Variants in PRKCB observed in about 807,000 individuals in gnomAD.
PRKCB encodes protein kinase C beta, also known as protein kinase C beta type.
PRKCB carries 13 observed loss-of-function variants against 81.5 expected under a neutral mutation model. The ratio of observed to expected loss-of-function variants is 0.16; its 90% CI spans 0.10 to 0.25. The LOEUF (loss-of-function observed/expected upper bound fraction) is 0.25. Ranked by LOEUF, PRKCB falls within the 10% of genes least tolerant of loss-of-function variation. The pLI is 1.00. For missense variants in PRKCB, 509 were observed against 875.7 expected (o/e 0.58, Z 5.29); for synonymous variants, 335 against 321.4 (o/e 1.04, Z -0.45).
chr16:24,192,252 T>C (rs1967804654), intron 16 of PRKCB, among the ~76,000 whole-genome samples: 1 of 152,246 alleles, frequency 6.6e-6, no homozygotes, highest in Admixed American at 6.5e-5. Context: ...ACAAGCCTGG[T>C]ACAGAGGAGG....
chr16:23,928,510 G>A (rs1368004510), intron 2 of PRKCB, among the ~76,000 whole-genome samples: 2 of 152,082 alleles, frequency 1.3e-5, no homozygotes, highest in African/African-American at 4.8e-5. Context: ...TGGAACTCAG[G>A]CCTTGTATAA....
At chr16:24,126,025 T>C (rs1596559545) in intron 9 of PRKCB, among the ~76,000 whole-genome samples, 1 of 152,312 alleles carries the variant, frequency 6.6e-6, no homozygotes, top group East Asian at 1.9e-4. Flanking sequence ...ATTAGTAGAA[T>C]CAGTGAACTA....
intron 9 of PRKCB, among the ~76,000 whole-genome samples, chr16:24,137,799 G>A (rs1966870058): frequency 6.6e-6 from 1 of 152,174 alleles, no homozygotes; most frequent in Middle Eastern, 3.2e-3. Flanking sequence ...TTTGTGGATT[G>A]TAATCATCCA....
At chr16:24,168,541 C>CT (rs56671761) in intron 10 of PRKCB, among the ~76,000 whole-genome samples, 2,978 of 75,970 alleles carry the variant, frequency 0.039, 839 homozygotes, top group Non-Finnish European at 0.063. Context: ...TCTTCTTCTA[C>CT]TTTTTTTTTT....
chr16:23,880,886 A>G (rs977777939), intron 2 of PRKCB, among the ~76,000 whole-genome samples: 1 of 152,156 alleles, frequency 6.6e-6, no homozygotes, highest in Non-Finnish European at 1.5e-5. Context: ...ATAAGAGACT[A>G]TCTGCTTTTC....
chr16:24,199,967 A>G (rs555131319), intron 16 of PRKCB, among the ~76,000 whole-genome samples: 2 of 152,372 alleles, frequency 1.3e-5, no homozygotes, highest in South Asian at 2.1e-4. Context: ...TGTCTGTTAC[A>G]TAATAGAAAA....
chr16:23,963,356 G>A (rs1293694661), intron 2 of PRKCB: 3 of 152,196 alleles, frequency 2.0e-5, no homozygotes, highest in Non-Finnish European at 4.4e-5. Context: ...CAGTGCCAAT[G>A]ATCATTTATT....
In PRKCB at chr16:23,839,260, G is replaced by A. The variant is rs1276245495; in HGVS notation, c.205+1854G>A. On this transcript the variant is annotated intron_variant, in intron 2 of 16. Transcript: ENST00000643927. ...TTAAAGTTTGTAATGAAATATGGGC[G>A]CTCTAGAGATAGGAGTGTCTTTTTT... is the stretch of plus-strand genomic sequence containing the variant. Among the ~76,000 whole-genome samples, 10 of 146,272 alleles carry A rather than the reference G, an allele frequency of 6.8e-5. No homozygotes were observed. In the East Asian group the frequency reaches 8.2e-4, roughly 12 times the overall value.
rs758841851 is a variant in PRKCB, at chr16:24,193,467, A to AT, written c.1863+2238dup. Among the ~76,000 whole-genome samples the AT allele has an allele frequency of 3.4e-3, 381 of 113,050 alleles. 3 individuals carry two copies. The highest frequency in any genetic ancestry group is 0.011 in the African/African-American group (362 of 33,602). 74.2% of individuals were successfully genotyped at this position (113,050 alleles called of 152,430 possible). A position where few individuals can be genotyped will look rare whatever the true frequency, so the allele number is the denominator to read the frequency against. On this transcript the variant is annotated intron_variant, in intron 16 of 16. Coordinates refer to ENST00000643927, the MANE Select transcript of PRKCB (RefSeq NM_002738.7). ...CTCAAATAAATAAATAAATAAATAAATAAATAAATAAATAAATAAATAAAT... is the reference window on the plus strand; with the variant it reads ...CTCAAATAAATAAATAAATAAATAAATTAAATAAATAAATAAATAAATAAAT...
At chr16:23,870,838 C>T in intron 2 of PRKCB, among the ~76,000 whole-genome samples, 1 of 152,304 alleles carries the variant, frequency 6.6e-6, no homozygotes, top group African/African-American at 2.4e-5. Flanking sequence ...ATCAGCTGGG[C>T]AATGCTGTTG....
chr16:24,092,436 AGT>A (rs1966387387), intron 5 of PRKCB, among the ~76,000 whole-genome samples: 1 of 152,258 alleles, frequency 6.6e-6, no homozygotes, highest in Non-Finnish European at 1.5e-5. Context: ...AAAAAAATGA[AGT>A]GCTGATACAT....
chr16:24,094,201 T>C lies in PRKCB; in HGVS notation c.725T>C (p.Val242Ala). 6.2e-7 allele frequency: 1 copy of C among 1,614,156 alleles called. No homozygotes were observed. Among genetic ancestry groups the C allele is most frequent in the Non-Finnish European group, 8.5e-7 (1 of 1,180,022 alleles). ...KESDKDRRLSVEIWDWDLTSR... is the reference protein window; with the variant it reads ...KESDKDRRLSAEIWDWDLTSR... Reference sequence around the variant, plus strand: ...TCGGACAAAGACAGAAGACTGTCAGTAGAGATTTGGGATTGGGATTTGACC... The same window carrying C: ...TCGGACAAAGACAGAAGACTGTCAGCAGAGATTTGGGATTGGGATTTGACC... Residue 242 changes from valine to alanine, a missense_variant, in exon 7 of 17, where the codon GTA (valine) becomes GCA (alanine). Val to Ala is a moderately conservative substitution (Grantham distance 64). Coordinates refer to ENST00000643927, the MANE Select transcript of PRKCB (RefSeq NM_002738.7).
At chr16:24,016,248 C>G (rs1965275981) in intron 3 of PRKCB, among the ~76,000 whole-genome samples, 1 of 152,056 alleles carries the variant, frequency 6.6e-6, no homozygotes, top group Non-Finnish European at 1.5e-5. Flanking sequence ...ACAGTATTCC[C>G]CATCAAAATC....
At chr16:23,908,781 G>A (rs1329833449) in intron 2 of PRKCB, among the ~76,000 whole-genome samples, 2 of 152,094 alleles carry the variant, frequency 1.3e-5, no homozygotes, top group Non-Finnish European at 2.9e-5. Flanking sequence ...GCCTCCCAAA[G>A]TGCTGGGATT....
intron 8 of PRKCB, among the ~76,000 whole-genome samples, chr16:24,118,239 G>A (rs1966757526): frequency 6.6e-6 from 1 of 152,238 alleles, no homozygotes. Flanking sequence ...GTAAAATGGG[G>A]AATTATAGCA....
chr16:24,028,380 C>T (rs1246268732), intron 3 of PRKCB, among the ~76,000 whole-genome samples: 1 of 152,216 alleles, frequency 6.6e-6, no homozygotes, highest in African/African-American at 2.4e-5. Flanking sequence ...TGAGCCACTG[C>T]TCCAGGCCAC....
chr16:23,979,443 A>T (rs4407063), intron 2 of PRKCB, among the ~76,000 whole-genome samples: 6,641 of 152,242 alleles, frequency 0.044, 413 homozygotes, highest in African/African-American at 0.14. Context: ...CTTTGTGTTT[A>T]TGGAAACTTG....
intron 7 of PRKCB, among the ~76,000 whole-genome samples, chr16:24,094,978 T>A (rs1037642592): frequency 2.6e-5 from 4 of 152,062 alleles, no homozygotes; most frequent in Non-Finnish European, 5.9e-5. Flanking sequence ...TTAGTTCTAG[T>A]ATTTTAAAAA....
intron 9 of PRKCB, among the ~76,000 whole-genome samples, chr16:24,124,534 G>GAATGGA (rs1388447606): frequency 1.3e-5 from 2 of 152,200 alleles, no homozygotes; most frequent in Non-Finnish European, 2.9e-5. Context: ...TGACAGCCAA[G>GAATGGA]AATGGAAACG....
Sources: gnomAD v4.1 joint callset for allele counts (sites outside exome capture counted in the v4.1 genomes callset) on GRCh38, gnomAD v4.1.1 for gene constraint, MANE v1.5 for transcripts, NCBI Gene and HGNC (gene_info 2026-07-23, HGNC 2026-07-21) for gene names.